GULP1: variants seen among roughly 807,000 people sequenced by gnomAD.
The protein encoded by GULP1 is PTB domain-containing engulfment adapter protein 1.
In GULP1, 19 loss-of-function variants were observed where a neutral mutation model predicts 40.9. The ratio of observed to expected loss-of-function variants is 0.46; its 90% confidence interval spans 0.32 to 0.68. GULP1 has a LOEUF of 0.68. Ranked by LOEUF, GULP1 falls within the 30% of genes least tolerant of loss-of-function variation. The pLI is 0.03. For missense variants in GULP1, 312 were observed against 362.2 expected (o/e 0.86, Z 1.12); for synonymous variants, 119 against 117.6 (o/e 1.01, Z -0.08).
chr2:188,509,400 A>G (rs975685790), intron 4 of GULP1, among the ~76,000 whole-genome samples: 4 of 152,142 alleles, frequency 2.6e-5, no homozygotes, highest in African/African-American at 7.2e-5. Flanking sequence ...GCATACAGCA[A>G]TGCTTTGCAG....
intron 5 of GULP1, among the ~76,000 whole-genome samples, chr2:188,524,908 CT>C (rs1277526871): frequency 1.3e-5 from 2 of 151,028 alleles, no homozygotes; most frequent in Non-Finnish European, 3.0e-5. Flanking sequence ...ATATTTACTC[CT>C]TTTTCAGCAA....
chr2:188,443,335 A>C (rs1330417331), intron 2 of GULP1, among the ~76,000 whole-genome samples: 1 of 152,172 alleles, frequency 6.6e-6, no homozygotes, highest in East Asian at 1.9e-4. Context: ...CACGATTTAC[A>C]TGTTTATTTT....
At chr2:188,438,428 A>G (rs1332304311) in intron 2 of GULP1, among the ~76,000 whole-genome samples, 1 of 150,714 alleles carries the variant, frequency 6.6e-6, no homozygotes, top group Non-Finnish European at 1.5e-5. Flanking sequence ...AATTATGTCA[A>G]ATACATAATA....
chr2:188,374,373 A>G (rs888294501), intron 1 of GULP1, among the ~76,000 whole-genome samples: 1 of 152,154 alleles, frequency 6.6e-6, no homozygotes, highest in Non-Finnish European at 1.5e-5. Flanking sequence ...CAACCAATTA[A>G]AACTCAGTTA....
At chr2:188,468,481 A>C (rs2060311413) in intron 2 of GULP1, among the ~76,000 whole-genome samples, 1 of 152,198 alleles carries the variant, frequency 6.6e-6, no homozygotes, top group Non-Finnish European at 1.5e-5. Flanking sequence ...TTGATTTGTA[A>C]TTCAACATAT....
intron 1 of GULP1, among the ~76,000 whole-genome samples, chr2:188,324,713 G>C (rs1337475619): frequency 6.6e-6 from 1 of 151,916 alleles, no homozygotes; most frequent in African/African-American, 2.4e-5. Context: ...TTATTTAGAA[G>C]TGTAGGCTCA....
At chr2:188,519,575 G>A (rs192747984) in intron 4 of GULP1, among the ~76,000 whole-genome samples, 2 of 152,280 alleles carry the variant, frequency 1.3e-5, no homozygotes, top group African/African-American at 4.8e-5. Context: ...GTTGAGAACT[G>A]TTTACCCCAG....
chr2:188,489,256 C>T (rs2062135951), intron 4 of GULP1, among the ~76,000 whole-genome samples: 1 of 151,962 alleles, frequency 6.6e-6, no homozygotes, highest in Non-Finnish European at 1.5e-5. Flanking sequence ...GTTGAAACAT[C>T]CCAAATGGTT....
chr2:188,503,184 T>C (rs1262989716), intron 4 of GULP1, among the ~76,000 whole-genome samples: 2 of 151,906 alleles, frequency 1.3e-5, no homozygotes, highest in African/African-American at 2.4e-5. Context: ...TCTTGAACTT[T>C]CTTAAAACAT....
intron 4 of GULP1, among the ~76,000 whole-genome samples, chr2:188,520,390 C>T (rs1041340621): frequency 6.6e-6 from 1 of 151,660 alleles, no homozygotes; most frequent in East Asian, 1.9e-4. Context: ...ACAAAAATTA[C>T]ATGGGCGTGG....
intron 1 of GULP1, among the ~76,000 whole-genome samples, chr2:188,372,771 A>C (rs2047765433): frequency 1.3e-5 from 2 of 152,040 alleles, no homozygotes. Context: ...TGCTATCTAC[A>C]CTAAGCCATA....
rs543479716 is a variant in GULP1, at chr2:188,535,210, T to C, written c.262-5971T>C. Among the ~76,000 whole-genome samples, 10 of 152,200 alleles carry C rather than the reference T, an allele frequency of 6.6e-5. No homozygotes were observed. In the South Asian group the frequency reaches 2.1e-3, roughly 32 times the overall value. On this transcript the variant is annotated intron_variant, in intron 6 of 11. Coordinates refer to ENST00000409830, the MANE Select transcript of GULP1 (RefSeq NM_016315.4). ...AATAATTTCAACTTTCATTTTAGAT[T>C]CAAGAGTTACATGTGCAGATTTGTT... is the stretch of plus-strand genomic sequence containing the variant.
chr2:188,375,124 A>T (rs2048134459), intron 1 of GULP1, among the ~76,000 whole-genome samples: 1 of 152,188 alleles, frequency 6.6e-6, no homozygotes, highest in Admixed American at 6.5e-5. Context: ...TATATGGCTA[A>T]CAGCAGACAA....
At chr2:188,351,550 A>G (rs954865516) in intron 1 of GULP1, among the ~76,000 whole-genome samples, 29 of 152,304 alleles carry the variant, frequency 1.9e-4, no homozygotes, top group South Asian at 1.7e-3. Flanking sequence ...TGCACCTTAT[A>G]GCACAGTAAT....
At position 188,561,661 on chromosome 2, in the gene GULP1, C is replaced by A. The variant is rs116266387; in HGVS notation, c.400-7578C>A. Reference sequence around the variant, plus strand: ...CTAGCTGTAGTGGGCAGGGGCAGGGCAATTCTCAGGTCCCTGGCAGAATGC... The same window carrying A: ...CTAGCTGTAGTGGGCAGGGGCAGGGAAATTCTCAGGTCCCTGGCAGAATGC... On this transcript the variant is annotated intron_variant, in intron 7 of 11. Transcript: ENST00000409830. Among the ~76,000 whole-genome samples, 678 of 152,266 alleles carry A rather than the reference C, an allele frequency of 4.5e-3. 4 individuals carry two copies. The highest frequency in any genetic ancestry group is 9.1e-3 in the Admixed American group (139 of 15,306).
chr2:188,497,576 C>T (rs1324913805), intron 4 of GULP1, among the ~76,000 whole-genome samples: 2 of 151,790 alleles, frequency 1.3e-5, no homozygotes, highest in Non-Finnish European at 2.9e-5. Flanking sequence ...ATCTTTTAAA[C>T]AAGTTCTAAG....
chr2:188,416,119 C>A (rs571842617), intron 2 of GULP1, among the ~76,000 whole-genome samples: 1 of 152,230 alleles, frequency 6.6e-6, no homozygotes, highest in Admixed American at 6.5e-5. Context: ...AGCAGTGTTT[C>A]CACTCTTCAA....
intron 7 of GULP1, 34 bp from the exon 8 acceptor site, chr2:188,569,205 T>C: frequency 9.4e-7 from 1 of 1,062,210 alleles, no homozygotes; most frequent in Non-Finnish European, 1.5e-6. Flanking sequence ...TGACATATTA[T>C]TAAAATGCAA....
At chr2:188,589,892 G>T in intron 11 of GULP1, 1 of 419,602 alleles carries the variant, frequency 2.4e-6, no homozygotes, top group Non-Finnish European at 4.3e-6. Context: ...TGTTTAGAGA[G>T]GTTTTATAAA....
Sources: allele counts gnomAD v4.1 joint callset (sites outside exome capture counted in the v4.1 genomes callset), GRCh38; gene constraint gnomAD v4.1.1; transcripts MANE v1.5; gene names NCBI Gene and HGNC (gene_info 2026-07-23, HGNC 2026-07-21).